The following CTBP2 variants were observed in gnomAD, a reference collection of about 807,000 sequenced individuals.
CTBP2 encodes C-terminal binding protein 2.
A neutral mutation model predicts 80.3 loss-of-function variants in CTBP2; 30 were observed. The ratio of observed to expected loss-of-function variants is 0.37; its 90% CI spans 0.28 to 0.51. The LOEUF (loss-of-function observed/expected upper bound fraction) is 0.51. Among genes scored for constraint, CTBP2 ranks in the 20% least tolerant of loss-of-function variants. The probability of loss-of-function intolerance (pLI) is 0.93; values close to 1 mark genes in which losing one functional copy is unlikely to be tolerated. For missense variants in CTBP2, 1,212 were observed against 1,375.3 expected, an observed-to-expected ratio of 0.88 and a Z score of 1.88; for synonymous variants, 594 against 587.4, an observed-to-expected ratio of 1.01 and a Z score of -0.16.
rs376167567 is a variant in CTBP2, at chr10:125,027,237, G to C, written c.523C>G (p.Gln175Glu). ...GCCCTGCTCTGTGTCTGCCGCCCCTGAGGGATCATTTTACCTCCAGGATCC... is the reference window on the plus strand; with the variant it reads ...GCCCTGCTCTGTGTCTGCCGCCCCTCAGGGATCATTTTACCTCCAGGATCC... Residue 175 changes from glutamine to glutamate, a missense_variant, in exon 1 of 9, where the codon CAG (glutamine) becomes GAG (glutamate). Gln to Glu is a conservative substitution (Grantham distance 29, BLOSUM62 2). Transcript: ENST00000309035. 196 of 1,613,054 alleles carry C rather than the reference G, an allele frequency of 1.2e-4. 4 individuals are homozygous for C. The highest frequency in any genetic ancestry group is 9.1e-4 in the East Asian group (41 of 44,872).
intron 2 of CTBP2, among the ~76,000 whole-genome samples, chr10:125,108,095 G>A (rs895496331): frequency 6.6e-6 from 1 of 152,230 alleles, no homozygotes; most frequent in Non-Finnish European, 1.5e-5. Context: ...AAGCCATCTG[G>A]CACATTGAGC....
chr10:125,098,688 G>GAGAGAGAGAC (rs1850016174), intron 2 of CTBP2, among the ~76,000 whole-genome samples: 3 of 119,850 alleles, frequency 2.5e-5, no homozygotes, highest in African/African-American at 1.0e-4. Context: ...GAGAGAGAGA[G>GAGAGAGAGAC]AGAGAGAGAG....
chr10:125,009,578 C>A (rs1955637710), intron 1 of CTBP2, among the ~76,000 whole-genome samples: 1 of 152,210 alleles, frequency 6.6e-6, no homozygotes. Context: ...GACCCGATCC[C>A]CACTGGCTGA....
At position 125,066,006 on chromosome 10, in the gene CTBP2, T is replaced by C. The variant is rs1417598208; in HGVS notation, c.-101-26851A>G. On this transcript the variant is annotated intron_variant, in intron 2 of 10. Coordinates refer to the CTBP2 transcript ENST00000337195. The surrounding 1 kb of genome is among the most constrained non-coding windows in gnomAD (Gnocchi z 4.1). ...ATCCCAGCTACCCAGGTGGCTGAGGTGGGAGGATCGCTTGAGCCCAGAAGG... is the reference window on the plus strand; with the variant it reads ...ATCCCAGCTACCCAGGTGGCTGAGGCGGGAGGATCGCTTGAGCCCAGAAGG... Among the ~76,000 whole-genome samples, 2 of 149,020 alleles carry C rather than the reference T, an allele frequency of 1.3e-5. No homozygotes were observed. The highest frequency in any genetic ancestry group is 1.3e-4 in the Admixed American group (2 of 14,922).
rs537204426 is a variant in CTBP2 at position 124,986,624 on chromosome 10, T to C, written c.*2894A>G. The C allele has an allele frequency of 9.8e-5, 15 of 152,294 alleles. No homozygotes were observed. The East Asian group carries it at 2.7e-3, about 27-fold the overall frequency. 9.4% of individuals were successfully genotyped at this position (152,294 alleles called of 1,614,324 possible). On this transcript the variant is annotated 3_prime_UTR_variant, in exon 9 of 9. Coordinates refer to ENST00000309035, the MANE Select transcript of CTBP2 (RefSeq NM_022802.3). ...TTGATATAATGTAAATGCTGCTGTT[T>C]GTTTCAAGTGGTGAATGTGTTGTTA...
chr10:125,062,800 T>C (rs942352056), intron 2 of CTBP2, among the ~76,000 whole-genome samples: 1 of 152,042 alleles, frequency 6.6e-6, no homozygotes, highest in African/African-American at 2.4e-5. Flanking sequence ...GAGATGGAGG[T>C]TGCACTGAGC....
At chr10:125,026,065 C>T (rs745471786) in intron 1 of CTBP2, 13 of 1,545,912 alleles carry the variant, frequency 8.4e-6, no homozygotes, top group South Asian at 7.5e-5. Context: ...GCAGGGCAGG[C>T]GGGGAGGATG....
chr10:124,988,592 T>C lies in CTBP2; in HGVS notation c.*926A>G, dbSNP rs1424045147. On this transcript the variant is annotated 3_prime_UTR_variant, in exon 9 of 9. Coordinates refer to ENST00000309035, the MANE Select transcript of CTBP2 (RefSeq NM_022802.3). Reference sequence around the variant, plus strand: ...GACTATGAATAGAACATGTAACTAGTTGATACAAATCTAATAGGATTTGTT... The same window carrying C: ...GACTATGAATAGAACATGTAACTAGCTGATACAAATCTAATAGGATTTGTT... 1.3e-5 allele frequency: 2 copies of C among 152,664 alleles called. No homozygotes were observed. The highest frequency in any genetic ancestry group is 2.4e-5 in the African/African-American group (1 of 41,460). The allele number at this position is 152,664 out of a possible 1,614,324, so 9.5% of individuals were successfully genotyped here. A position where few individuals can be genotyped will look rare whatever the true frequency, so the allele number is the denominator to read the frequency against.
chr10:125,084,725 G>C (rs1847722578), intron 2 of CTBP2, among the ~76,000 whole-genome samples: 1 of 152,074 alleles, frequency 6.6e-6, no homozygotes, highest in Non-Finnish European at 1.5e-5. Flanking sequence ...TGTGTAGCAG[G>C]TCCTGACCCC....
At chr10:125,160,085 C>T (rs956509140) in intron 1 of CTBP2, 1 of 150,508 alleles carries the variant, frequency 6.6e-6, no homozygotes, top group Non-Finnish European at 1.5e-5. Flanking sequence ...GTGGCGGGGG[C>T]GGGCGGGGAC....
At chr10:125,032,562 A>G (rs1358541680), upstream of CTBP2, among the ~76,000 whole-genome samples, 6 of 152,202 alleles carry the variant, frequency 3.9e-5, no homozygotes, top group Admixed American at 3.9e-4. Flanking sequence ...CACCCCAAAA[A>G]TAGTCCAGGG....
In CTBP2 at chr10:124,989,495, T is replaced by C; in HGVS notation, c.*23A>G. 13 of 1,607,248 alleles carry C rather than the reference T, an allele frequency of 8.1e-6. No individual in the cohort carries two copies. The highest frequency in any genetic ancestry group is 3.3e-5 in the South Asian group (3 of 90,902). ...TCTCTTGGTCCCAAGTGTATCTGAGTGATTACCTTCTGGCATTCTCTGCTA... is the reference window on the plus strand; with the variant it reads ...TCTCTTGGTCCCAAGTGTATCTGAGCGATTACCTTCTGGCATTCTCTGCTA... On this transcript the variant is annotated 3_prime_UTR_variant, in exon 9 of 9. Coordinates refer to ENST00000309035, the MANE Select transcript of CTBP2 (RefSeq NM_022802.3).
chr10:125,108,399 G>C (rs528414745), intron 2 of CTBP2, among the ~76,000 whole-genome samples: 13 of 152,330 alleles, frequency 8.5e-5, no homozygotes, highest in Admixed American at 7.8e-4. Context: ...ACCTCTGATG[G>C]TGTCACGTGA....
intron 5 of CTBP2, 107 bp downstream of exon 7, chr10:124,994,362 A>G: frequency 1.8e-6 from 2 of 1,090,714 alleles, no homozygotes; most frequent in South Asian, 2.9e-5. Context: ...CCTGCTCAAC[A>G]GTGTATCCAG....
rs139883178 is a variant in CTBP2, at chr10:125,063,053, C to T, written c.-101-23898G>A. 5.3e-5 allele frequency among the ~76,000 whole-genome samples: 8 copies of T among 152,300 alleles called. No individual in the cohort carries two copies. The East Asian group carries it at 1.4e-3, about 26-fold the overall frequency. ...GCTCAGCCAAAGAAAGGACAGCTCC[C>T]CAGCAGCGAGGCAGGGCCCTGGGCA... On this transcript the variant is annotated intron_variant, in intron 2 of 10. Coordinates refer to the CTBP2 transcript ENST00000337195.
At chr10:125,092,486 T>C (rs1036544488) in intron 2 of CTBP2, among the ~76,000 whole-genome samples, 2 of 152,204 alleles carry the variant, frequency 1.3e-5, no homozygotes, top group African/African-American at 2.4e-5. Context: ...CCAGCATTCC[T>C]TGTCTGAAGA....
At chr10:125,021,093 A>T (rs1350592091) in intron 1 of CTBP2, among the ~76,000 whole-genome samples, 1 of 152,158 alleles carries the variant, frequency 6.6e-6, no homozygotes, top group African/African-American at 2.4e-5. Context: ...AAGTGCTGTG[A>T]AGGCGGCAGA....
At chr10:125,115,182 GAGA>G (rs35509791) in intron 1 of CTBP2, among the ~76,000 whole-genome samples, 51,457 of 151,714 alleles carry the variant, frequency 0.34, 11,585 homozygotes, top group African/African-American at 0.64. Flanking sequence ...TATATTAGGG[GAGA>G]AGAAAGACTG....
At chr10:125,155,549 A>G (rs1320072242) in intron 1 of CTBP2, among the ~76,000 whole-genome samples, 1 of 152,208 alleles carries the variant, frequency 6.6e-6, no homozygotes, top group East Asian at 1.9e-4. Flanking sequence ...ATTTGTGAAT[A>G]TCATTAGAGT....
Sources: gnomAD v4.1 joint callset for allele counts (sites outside exome capture counted in the v4.1 genomes callset) on GRCh38, gnomAD v4.1.1 for gene constraint, Gnocchi (gnomAD v3.1) non-coding constraint, MANE v1.5 for transcripts, NCBI Gene and HGNC (gene_info 2026-07-23, HGNC 2026-07-21) for gene names.